The following CDH11 variants were observed in gnomAD, a reference collection of about 807,000 sequenced individuals.
CDH11 encodes cadherin-11.
In CDH11, 11 loss-of-function variants were observed where a neutral mutation model predicts 67.8. The observed-to-expected ratio is 0.16, with a 90% CI of 0.10 to 0.27. CDH11 has a LOEUF of 0.27. Ranked by LOEUF, CDH11 falls within the 10% of genes least tolerant of loss-of-function variation. CDH11 has a pLI of 1.00. For synonymous variants in CDH11, 419 were observed against 400.0 expected, an observed-to-expected ratio of 1.05 and a Z score of -0.57; for missense variants, 847 against 1,031.2, an observed-to-expected ratio of 0.82 and a Z score of 2.45.
chr16:65,010,999 G>C (rs951893529), intron 2 of CDH11, among the ~76,000 whole-genome samples: 4 of 114,012 alleles, frequency 3.5e-5, no homozygotes, highest in African/African-American at 7.8e-5. Context: ...ACACACATAT[G>C]TATATGTATA....
intron 4 of CDH11, among the ~76,000 whole-genome samples, chr16:64,993,807 A>C (rs2072693952): frequency 6.6e-6 from 1 of 152,106 alleles, no homozygotes; most frequent in Non-Finnish European, 1.5e-5. Context: ...TGGGCTTCAG[A>C]GTGGGGAGAG....
At chr16:64,967,231 G>GTTTT (rs1225000800) in intron 11 of CDH11, among the ~76,000 whole-genome samples, 3 of 152,036 alleles carry the variant, frequency 2.0e-5, no homozygotes, top group African/African-American at 7.2e-5. Context: ...TTGTTTGTTT[G>GTTTT]TTTGTTTGTT....
chr16:64,996,035 T>C (rs2072754402), intron 4 of CDH11, among the ~76,000 whole-genome samples: 1 of 152,128 alleles, frequency 6.6e-6, no homozygotes, highest in Admixed American at 6.5e-5. Context: ...AAACCCATAA[T>C]GAGAAACCAT....
At chr16:65,018,751 G>A (rs2073365419) in intron 2 of CDH11, among the ~76,000 whole-genome samples, 1 of 152,154 alleles carries the variant, frequency 6.6e-6, no homozygotes, top group South Asian at 2.1e-4. Context: ...TTCCAAGAGT[G>A]CTTTGGCAGT....
At chr16:65,035,670 T>C (rs2073739961) in intron 2 of CDH11, among the ~76,000 whole-genome samples, 1 of 152,236 alleles carries the variant, frequency 6.6e-6, no homozygotes, top group Non-Finnish European at 1.5e-5. Context: ...TAATTCATAC[T>C]TTATAGCACT....
At chr16:64,975,753 A>T (rs2072148194) in intron 8 of CDH11, among the ~76,000 whole-genome samples, 1 of 152,136 alleles carries the variant, frequency 6.6e-6, no homozygotes, top group African/African-American at 2.4e-5. Context: ...TTTCCTTTGG[A>T]TATATGCCCT....
At chr16:65,097,960 C>T (rs1405215471) in intron 1 of CDH11, among the ~76,000 whole-genome samples, 1 of 152,124 alleles carries the variant, frequency 6.6e-6, no homozygotes, top group African/African-American at 2.4e-5. Context: ...CAAAAAAGAG[C>T]AGGTGAGCCA....
At chr16:65,035,197 A>G (rs189270795) in intron 2 of CDH11, among the ~76,000 whole-genome samples, 4 of 152,358 alleles carry the variant, frequency 2.6e-5, no homozygotes, top group African/African-American at 9.6e-5. Flanking sequence ...AGGGTGCCAC[A>G]CTGAGGTGGC....
intron 11 of CDH11, among the ~76,000 whole-genome samples, chr16:64,958,853 G>C (rs1464711720): frequency 2.0e-5 from 3 of 152,008 alleles, no homozygotes; most frequent in Admixed American, 1.3e-4. Context: ...TTGTGGCAAA[G>C]AGACCCACAA....
In CDH11 at chr16:64,998,555, T is replaced by C; in HGVS notation, c.523+7A>G. ...GAAGCAGAGCAGGCCTCCCACACCGTACGCACCCACATTGGACCTCTCAGG... is the reference window on the plus strand; with the variant it reads ...GAAGCAGAGCAGGCCTCCCACACCGCACGCACCCACATTGGACCTCTCAGG... On this transcript the variant is annotated splice_region_variant and intron_variant, in intron 4 of 12. Transcript: ENST00000268603. 1 of 1,613,738 alleles carries C rather than the reference T, an allele frequency of 6.2e-7. No individual in the cohort carries two copies. Among genetic ancestry groups the C allele is most frequent in the East Asian group, 2.2e-5 (1 of 44,852 alleles).
At chr16:65,040,032 G>C (rs934268825) in intron 2 of CDH11, among the ~76,000 whole-genome samples, 2 of 152,142 alleles carry the variant, frequency 1.3e-5, no homozygotes, top group Non-Finnish European at 2.9e-5. Context: ...CAGTTAGAAT[G>C]GCGATCATTA....
intron 6 of CDH11, among the ~76,000 whole-genome samples, chr16:64,989,718 G>T (rs2072583526): frequency 6.6e-6 from 1 of 152,104 alleles, no homozygotes; most frequent in Non-Finnish European, 1.5e-5. Flanking sequence ...TCACTGGAAG[G>T]TTTGCACTAA....
chr16:64,970,305 A>G (rs1344418223), intron 11 of CDH11, among the ~76,000 whole-genome samples: 3 of 152,166 alleles, frequency 2.0e-5, no homozygotes, highest in Non-Finnish European at 4.4e-5. Context: ...CAAATCATAG[A>G]CCCTCAAAAT....
At chr16:65,105,410 A>T (rs1011563189) in intron 1 of CDH11, among the ~76,000 whole-genome samples, 22 of 152,100 alleles carry the variant, frequency 1.4e-4, no homozygotes, top group African/African-American at 5.3e-4. Context: ...AACCTCCATC[A>T]ACACATTCCC....
At chr16:64,957,432 T>C (rs1221664514) in intron 11 of CDH11, among the ~76,000 whole-genome samples, 2 of 152,024 alleles carry the variant, frequency 1.3e-5, no homozygotes, top group Non-Finnish European at 2.9e-5. Flanking sequence ...GAAGTAGATC[T>C]ATCTACCACA....
At position 64,998,733 on chromosome 16, in the gene CDH11, G is replaced by A. The variant is rs1376176521; in HGVS notation, c.352C>T (p.Arg118Ter). 6.2e-7 allele frequency: 1 copy of A among 1,614,026 alleles called. No homozygotes were observed. The highest frequency in any genetic ancestry group is 8.5e-7 in the Non-Finnish European group (1 of 1,180,000). ...AACGTGTACTGGGCTCTCTCTTCTC[G>A]ATCCAACGTCTTGGTGGCATGAATG... ...GNIHATKTLD[R>*]EERAQYTLMA... Residue 118 changes from arginine to a stop codon, truncating the protein, a stop_gained, in exon 4 of 13, where the codon CGA becomes TGA. Transcript: ENST00000268603. LOFTEE classifies it high-confidence loss of function.
intron 9 of CDH11, among the ~76,000 whole-genome samples, 158 bp downstream of exon 9, chr16:64,972,746 A>T (rs576265047): frequency 6.6e-6 from 1 of 152,300 alleles, no homozygotes; most frequent in East Asian, 1.9e-4. Context: ...GCCTATATGT[A>T]CTCCTAGAAA....
chr16:65,003,413 C>G (rs918186363), intron 3 of CDH11, among the ~76,000 whole-genome samples: 1 of 151,936 alleles, frequency 6.6e-6, no homozygotes, highest in South Asian at 2.1e-4. Flanking sequence ...CTCACCACCA[C>G]GCCTGGCTAA....
intron 2 of CDH11, among the ~76,000 whole-genome samples, chr16:65,029,880 A>G (rs1487819274): frequency 6.6e-6 from 1 of 152,198 alleles, no homozygotes; most frequent in Non-Finnish European, 1.5e-5. Flanking sequence ...GACTTGGGAC[A>G]TATCAAATTG....
Sources: gnomAD v4.1 joint callset for allele counts (sites outside exome capture counted in the v4.1 genomes callset) on GRCh38, gnomAD v4.1.1 for gene constraint, MANE v1.5 for transcripts, NCBI Gene and HGNC (gene_info 2026-07-23, HGNC 2026-07-21) for gene names.